Variants in PRKCA observed in about 807,000 individuals in gnomAD.
PRKCA encodes the protein protein kinase C alpha type.
PRKCA carries 27 observed loss-of-function variants against 87.0 expected under a neutral mutation model. The ratio of observed to expected loss-of-function variants is 0.31; its 90% CI spans 0.23 to 0.43. The LOEUF (loss-of-function observed/expected upper bound fraction) is 0.43. Among genes scored for constraint, PRKCA ranks in the 20% least tolerant of loss-of-function variants. The pLI is 1.00. For synonymous variants in PRKCA, 329 were observed against 311.1 expected (o/e 1.06, Z -0.61); for missense variants, 518 against 852.3 (o/e 0.61, Z 4.88).
At chr17:66,624,758 T>C (rs899364135) in intron 3 of PRKCA, among the ~76,000 whole-genome samples, 3 of 151,242 alleles carry the variant, frequency 2.0e-5, no homozygotes, top group Non-Finnish European at 1.5e-5. Flanking sequence ...GCCAAGATTG[T>C]GCCTAGGTGA....
At position 66,641,471 on chromosome 17, in the gene PRKCA, G is replaced by T. The variant is rs1486911732; in HGVS notation, c.400+5G>T. On this transcript the variant is annotated splice_donor_5th_base_variant and intron_variant, in intron 4 of 16. Coordinates refer to ENST00000413366, the MANE Select transcript of PRKCA (RefSeq NM_002737.3). The stretch of plus-strand genomic sequence containing the variant: ...ATCAAGGGATGAAATGTGACAGTAA[G>T]TAAGTTTTCTTTTCCAGTTCATAGC... 6.3e-7 allele frequency: 1 copy of T among 1,599,832 alleles called. No homozygotes were observed. Among genetic ancestry groups the T allele is most frequent in the Non-Finnish European group, 8.5e-7 (1 of 1,169,836 alleles).
chr17:66,392,461 A>T (rs970893847), intron 2 of PRKCA, among the ~76,000 whole-genome samples: 9 of 151,900 alleles, frequency 5.9e-5, no homozygotes, highest in African/African-American at 2.2e-4. Context: ...TCCTCAAAAA[A>T]CTCATTCCCC....
chr17:66,453,422 A>T (rs948250757), intron 2 of PRKCA, among the ~76,000 whole-genome samples: 1 of 151,372 alleles, frequency 6.6e-6, no homozygotes, highest in Non-Finnish European at 1.5e-5. Context: ...GGTTCAAGCG[A>T]TTCTCCTGCC....
chr17:66,344,693 C>G (rs1438446486), intron 2 of PRKCA, among the ~76,000 whole-genome samples: 1 of 152,210 alleles, frequency 6.6e-6, no homozygotes, highest in Non-Finnish European at 1.5e-5. Flanking sequence ...AATCAAGGCT[C>G]TTTGACTCCA....
intron 5 of PRKCA, among the ~76,000 whole-genome samples, chr17:66,646,811 A>G (rs1187577070): frequency 6.6e-6 from 1 of 152,196 alleles, no homozygotes; most frequent in Non-Finnish European, 1.5e-5. Flanking sequence ...TATCACTGGG[A>G]GAGGGTAACA....
chr17:66,445,801 T>A (rs1233300322), intron 2 of PRKCA, among the ~76,000 whole-genome samples: 1 of 152,038 alleles, frequency 6.6e-6, no homozygotes, highest in Non-Finnish European at 1.5e-5. Flanking sequence ...TCACTTTTTT[T>A]TTTTTTCTTC....
At chr17:66,770,804 C>G (rs1057137559) in intron 13 of PRKCA, among the ~76,000 whole-genome samples, 1 of 152,048 alleles carries the variant, frequency 6.6e-6, no homozygotes, top group East Asian at 1.9e-4. Context: ...GAAAAAGCAG[C>G]CAGTAGACCT....
chr17:66,549,112 T>G (rs969736461), intron 3 of PRKCA, among the ~76,000 whole-genome samples: 1 of 151,668 alleles, frequency 6.6e-6, no homozygotes, highest in Admixed American at 6.6e-5. Context: ...GGCCACTTTC[T>G]GTAATTTTAA....
intron 13 of PRKCA, among the ~76,000 whole-genome samples, chr17:66,750,981 C>A (rs1974414655): frequency 6.6e-6 from 1 of 152,162 alleles, no homozygotes; most frequent in Non-Finnish European, 1.5e-5. Context: ...CTCTCACAGG[C>A]CTGTTATTGG....
intron 12 of PRKCA, among the ~76,000 whole-genome samples, chr17:66,742,163 C>CT (rs532232919): frequency 4.3e-4 from 66 of 152,254 alleles, no homozygotes; most frequent in African/African-American, 1.5e-3. Context: ...GAATTTCTTC[C>CT]AGTATTAATT....
chr17:66,764,791 G>A (rs1013986309), intron 13 of PRKCA, among the ~76,000 whole-genome samples: 1 of 152,158 alleles, frequency 6.6e-6, no homozygotes, highest in Non-Finnish European at 1.5e-5. Flanking sequence ...CCCTTGCCTG[G>A]GGCTTCAGGA....
chr17:66,334,996 A>C (rs1207805896), intron 2 of PRKCA, among the ~76,000 whole-genome samples: 1 of 152,242 alleles, frequency 6.6e-6, no homozygotes, highest in Non-Finnish European at 1.5e-5. Context: ...GAAATGAGCC[A>C]ATAACAAAAG....
chr17:66,777,980 G>A (rs1249806356), intron 14 of PRKCA: 1 of 985,226 alleles, frequency 1.0e-6, no homozygotes, highest in Non-Finnish European at 1.2e-6. Context: ...CCCCTTTGGG[G>A]GGTGCATTTT....
At chr17:66,605,119 TG>T (rs1970169815) in intron 3 of PRKCA, among the ~76,000 whole-genome samples, 1 of 152,180 alleles carries the variant, frequency 6.6e-6, no homozygotes, top group Non-Finnish European at 1.5e-5. Context: ...CACGTGTGTA[TG>T]TAAAGGGCAC....
chr17:66,377,250 C>T (rs1909474374), intron 2 of PRKCA, among the ~76,000 whole-genome samples: 1 of 152,010 alleles, frequency 6.6e-6, no homozygotes, highest in Admixed American at 6.6e-5. Context: ...GGCTCGAACT[C>T]TTGACCTCAG....
chr17:66,514,472 T>C (rs1234199036), intron 3 of PRKCA, among the ~76,000 whole-genome samples: 1 of 152,084 alleles, frequency 6.6e-6, no homozygotes, highest in African/African-American at 2.4e-5. Flanking sequence ...CAAACGTGAG[T>C]AATAGAAAAC....
At chr17:66,591,682 A>C (rs987755788) in intron 3 of PRKCA, among the ~76,000 whole-genome samples, 15 of 152,284 alleles carry the variant, frequency 9.9e-5, no homozygotes, top group Admixed American at 9.2e-4. Flanking sequence ...GGTTGGAAGA[A>C]AAAGTTGGTT....
At chr17:66,738,652 C>T in intron 10 of PRKCA, 112 bp from the exon 11 acceptor site, 1 of 813,706 alleles carries the variant, frequency 1.2e-6, no homozygotes, top group Non-Finnish European at 2.1e-6. Context: ...AGCACATCTG[C>T]CCATGCAGTC....
Position 66,453,316 on chromosome 17 carries a change from CT to C in PRKCA, c.206-42874del, listed in dbSNP as rs907833977. On this transcript the variant is annotated intron_variant, in intron 2 of 16. Coordinates refer to ENST00000413366, the MANE Select transcript of PRKCA (RefSeq NM_002737.3). Reference sequence around the variant, plus strand: ...CCTTGGGTCCCGTGATCCTTTTTTTCTTTTTTTTTTTCTTTTTTTGAGATAG... The same window carrying C: ...CCTTGGGTCCCGTGATCCTTTTTTTCTTTTTTTTTTCTTTTTTTGAGATAG... Among the ~76,000 whole-genome samples, 822 of 145,474 alleles carry C rather than the reference CT, an allele frequency of 5.7e-3. 6 individuals are homozygous for C. Among genetic ancestry groups the C allele is most frequent in the African/African-American group, 0.018 (738 of 39,924 alleles).
Sources: gnomAD v4.1 joint callset for allele counts (sites outside exome capture counted in the v4.1 genomes callset) on GRCh38, gnomAD v4.1.1 for gene constraint, MANE v1.5 for transcripts, NCBI Gene and HGNC (gene_info 2026-07-23, HGNC 2026-07-21) for gene names.